Variants in RALYL observed in about 807,000 individuals in gnomAD.
RALYL encodes RNA-binding Raly-like protein.
A neutral mutation model predicts 35.1 loss-of-function variants in RALYL; 29 were observed. That is an observed-to-expected ratio of 0.83 (90% CI 0.61 to 1.13). The LOEUF is 1.13. Ranked by LOEUF, RALYL falls within the 50% of genes most tolerant of loss-of-function variation. The pLI is 0.00. For synonymous variants in RALYL, 120 were observed against 127.6 expected (o/e 0.94, Z 0.40); for missense variants, 359 against 360.4 (o/e 1.00, Z 0.03).
chr8:84,695,594 T>C (rs1246857126), intron 2 of RALYL, among the ~76,000 whole-genome samples: 1 of 151,886 alleles, frequency 6.6e-6, no homozygotes, highest in Non-Finnish European at 1.5e-5. Context: ...ATTAAGATGA[T>C]GGCTATTTTA....
chr8:84,505,126 C>T (rs1411822450), intron 1 of RALYL, among the ~76,000 whole-genome samples: 1 of 152,108 alleles, frequency 6.6e-6, no homozygotes, highest in South Asian at 2.1e-4. Context: ...ACGAACAATA[C>T]ACCTGCCTCC....
intron 1 of RALYL, among the ~76,000 whole-genome samples, chr8:84,497,906 G>T (rs1392058515): frequency 6.6e-6 from 1 of 151,398 alleles, no homozygotes; most frequent in African/African-American, 2.4e-5. Context: ...CTGCCAAAGT[G>T]CTGGGATTAC....
At chr8:84,840,607 A>T (rs1833043066) in intron 4 of RALYL, among the ~76,000 whole-genome samples, 1 of 152,196 alleles carries the variant, frequency 6.6e-6, no homozygotes, top group South Asian at 2.1e-4. Flanking sequence ...AATTCAGGAA[A>T]TACAGAGAAC....
chr8:84,539,054 CAG>C (rs1228359488), intron 2 of RALYL, among the ~76,000 whole-genome samples: 1 of 152,082 alleles, frequency 6.6e-6, no homozygotes, highest in Non-Finnish European at 1.5e-5. Context: ...AACCAAAACA[CAG>C]AATTGAAATA....
At position 84,787,114 on chromosome 8, in the gene RALYL, C is replaced by A. The variant is rs192345365; in HGVS notation, c.332+12460C>A. Among the ~76,000 whole-genome samples the A allele has an allele frequency of 4.6e-5, 7 of 152,212 alleles. No homozygotes were observed. In the East Asian group the frequency reaches 1.4e-3, roughly 29 times the overall value. ...TATGGTGGTTTGCTGCACCCATCAACCCGTCATCTACATTAGGTATTTCTC... is the reference window on the plus strand; with the variant it reads ...TATGGTGGTTTGCTGCACCCATCAAACCGTCATCTACATTAGGTATTTCTC... On this transcript the variant is annotated intron_variant, in intron 3 of 8. Coordinates refer to ENST00000521268, the MANE Select transcript of RALYL (RefSeq NM_173848.7).
intron 2 of RALYL, among the ~76,000 whole-genome samples, chr8:84,675,806 G>T (rs985097958): frequency 2.6e-5 from 4 of 152,052 alleles, no homozygotes; most frequent in African/African-American, 9.7e-5. Context: ...TTCAGGTGAT[G>T]GGTGCTCTAA....
chr8:84,421,792 T>C (rs2045650666), intron 1 of RALYL, among the ~76,000 whole-genome samples: 1 of 139,050 alleles, frequency 7.2e-6, no homozygotes, highest in African/African-American at 2.7e-5. Context: ...TTTTTCTGCA[T>C]CTATTGAGAT....
intron 2 of RALYL, among the ~76,000 whole-genome samples, chr8:84,662,975 T>C (rs934637502): frequency 1.3e-5 from 2 of 152,040 alleles, no homozygotes; most frequent in African/African-American, 4.8e-5. Context: ...TTCTTATTAA[T>C]GCTCTCCCTC....
At chr8:84,523,299 T>C (rs1475158067) in intron 1 of RALYL, among the ~76,000 whole-genome samples, 1 of 151,858 alleles carries the variant, frequency 6.6e-6, no homozygotes, top group Non-Finnish European at 1.5e-5. Context: ...CCATCAGCTC[T>C]CATGAGACTT....
intron 2 of RALYL, among the ~76,000 whole-genome samples, chr8:84,642,438 T>C (rs1046829420): frequency 2.0e-5 from 3 of 152,066 alleles, no homozygotes; most frequent in African/African-American, 7.2e-5. Flanking sequence ...GTTTACATTC[T>C]AGATAGACCA....
intron 4 of RALYL, among the ~76,000 whole-genome samples, chr8:84,834,087 A>C (rs1031221830): frequency 6.6e-6 from 1 of 152,228 alleles, no homozygotes; most frequent in Non-Finnish European, 1.5e-5. Context: ...TAAATCATAA[A>C]AATATCAACT....
intron 3 of RALYL, among the ~76,000 whole-genome samples, chr8:84,801,993 GGA>G (rs1823409850): frequency 1.3e-5 from 2 of 152,158 alleles, no homozygotes; most frequent in Non-Finnish European, 2.9e-5. Context: ...GCCTATTTTA[GGA>G]GGTTGTTTCC....
chr8:84,556,438 T>C (rs2061124533), intron 2 of RALYL, among the ~76,000 whole-genome samples: 1 of 152,136 alleles, frequency 6.6e-6, no homozygotes. Flanking sequence ...AGTTGGAGTC[T>C]TATTAAGGCT....
At chr8:84,880,803 C>T (rs1429757874) in intron 7 of RALYL, among the ~76,000 whole-genome samples, 3 of 151,930 alleles carry the variant, frequency 2.0e-5, no homozygotes, top group Non-Finnish European at 1.5e-5. Flanking sequence ...TTGGTCTCCA[C>T]TTCTGGTTTG....
Position 84,856,622 on chromosome 8 carries a change from G to T in RALYL, c.414-5674G>T, listed in dbSNP as rs533597516. ...AGTGTGCCTTTTAAAATTATTTTCT[G>T]ATTCAACTGTAACCAAAGATTTATT... On this transcript the variant is annotated intron_variant, in intron 5 of 8. Transcript: ENST00000521268. Among the ~76,000 whole-genome samples the T allele has an allele frequency of 3.3e-5, 5 of 152,294 alleles. No individual in the cohort carries two copies. In the East Asian group the frequency reaches 9.6e-4, roughly 29 times the overall value.
intron 2 of RALYL, among the ~76,000 whole-genome samples, chr8:84,564,172 TAA>T (rs1287304027): frequency 6.6e-6 from 1 of 151,782 alleles, no homozygotes; most frequent in East Asian, 1.9e-4. Context: ...GTACAAAATA[TAA>T]GTTAGCTCTG....
chr8:84,449,333 G>A (rs1007502709), intron 1 of RALYL, among the ~76,000 whole-genome samples: 9 of 151,982 alleles, frequency 5.9e-5, no homozygotes, highest in South Asian at 2.1e-4. Context: ...AGGAAGAGCA[G>A]GGATGTCATG....
At chr8:84,503,876 A>T (rs1261281498) in intron 1 of RALYL, among the ~76,000 whole-genome samples, 1 of 151,782 alleles carries the variant, frequency 6.6e-6, no homozygotes, top group Non-Finnish European at 1.5e-5. Flanking sequence ...AGAAAAAAAA[A>T]TGAAAACAAA....
At chr8:84,542,792 A>G (rs987522727) in intron 2 of RALYL, among the ~76,000 whole-genome samples, 1 of 152,164 alleles carries the variant, frequency 6.6e-6, no homozygotes, top group Non-Finnish European at 1.5e-5. Context: ...AATTGCTGTA[A>G]TCCCTTAGTG....
Sources: gnomAD v4.1 joint callset for allele counts (sites outside exome capture counted in the v4.1 genomes callset) on GRCh38, gnomAD v4.1.1 for gene constraint, MANE v1.5 for transcripts, NCBI Gene and HGNC (gene_info 2026-07-23, HGNC 2026-07-21) for gene names.